The following NUDT9 variants were observed in gnomAD, a reference collection of about 807,000 sequenced individuals.
NUDT9 encodes nudix hydrolase 9, also known as ADP-ribose pyrophosphatase.
NUDT9 carries 31 observed loss-of-function variants against 41.0 expected under a neutral mutation model. The observed-to-expected ratio is 0.76, with a 90% confidence interval of 0.57 to 1.02. The LOEUF (loss-of-function observed/expected upper bound fraction) is 1.02. Ranked by LOEUF, NUDT9 falls within the 50% of genes least tolerant of loss-of-function variation. NUDT9 has a pLI of 0.00. For missense variants in NUDT9, 380 were observed against 431.4 expected (o/e 0.88, Z 1.06); for synonymous variants, 146 against 147.6 (o/e 0.99, Z 0.08).
intron 2 of NUDT9, among the ~76,000 whole-genome samples, chr4:87,437,391 A>T (rs1721990832): frequency 6.6e-6 from 1 of 151,576 alleles, no homozygotes. Context: ...CCCAGGCTGG[A>T]GTGCAGTGGC....
intron 1 of NUDT9, chr4:87,434,254 G>T (rs796627431): frequency 9.9e-5 from 15 of 152,078 alleles, no homozygotes; most frequent in African/African-American, 3.6e-4. Flanking sequence ...ATGTTGAGCA[G>T]GCTGGTCTCG....
At chr4:87,428,408 C>G (rs1721528916) in intron 1 of NUDT9, among the ~76,000 whole-genome samples, 2 of 152,178 alleles carry the variant, frequency 1.3e-5, no homozygotes, top group Non-Finnish European at 2.9e-5. Context: ...AAATTTATGT[C>G]CACACAAAAA....
At chr4:87,429,769 C>G (rs1721598831) in intron 1 of NUDT9, among the ~76,000 whole-genome samples, 1 of 150,266 alleles carries the variant, frequency 6.7e-6, no homozygotes, top group South Asian at 2.1e-4. Context: ...TTTCCCCCTC[C>G]CTTTCCTTTT....
At chr4:87,453,179 TG>T (rs2086833791) in intron 6 of NUDT9, among the ~76,000 whole-genome samples, 1 of 152,208 alleles carries the variant, frequency 6.6e-6, no homozygotes, top group Non-Finnish European at 1.5e-5. Context: ...TTATTTATGT[TG>T]TCCAGATTTT....
chr4:87,436,706 AT>A (rs1190562167), intron 2 of NUDT9, among the ~76,000 whole-genome samples: 1 of 152,052 alleles, frequency 6.6e-6, no homozygotes, highest in Admixed American at 6.6e-5. Flanking sequence ...TTTTATTTGC[AT>A]GTTAGATGGC....
At position 87,435,057 on chromosome 4, in the gene NUDT9, C is replaced by G; in HGVS notation, c.184C>G (p.His62Asp). The change falls in exon 2 of 8, where the codon CAC becomes GAC. Residue 62 changes from histidine (H) to aspartate (D), a missense_variant. Transcript: ENST00000302174. ...SGSNGSKENS[H>D]NKARTSPYPG... ...TTCTAATGGTTCCAAAGAAAATTCT[C>G]ACAATAAGGCTCGGACGTCTCCTTA... The G allele has an allele frequency of 6.2e-7, 1 of 1,614,146 alleles. No homozygotes were observed. The highest frequency in any genetic ancestry group is 8.5e-7 in the Non-Finnish European group (1 of 1,180,022).
intron 3 of NUDT9, among the ~76,000 whole-genome samples, chr4:87,439,587 C>T (rs1722107162): frequency 6.6e-6 from 1 of 151,982 alleles, no homozygotes; most frequent in African/African-American, 2.4e-5. Context: ...ACCCAGGAGG[C>T]GGAGGTTGGA....
chr4:87,436,853 A>G lies in NUDT9; in HGVS notation c.348-1424A>G, dbSNP rs140140964. On this transcript the variant is annotated intron_variant, in intron 2 of 7. Coordinates refer to ENST00000302174, the MANE Select transcript of NUDT9 (RefSeq NM_024047.5). The stretch of plus-strand genomic sequence containing the variant: ...AGTGAAACCTGTTTCAGAACTGCCC[A>G]TGAACTATCCAGTGCTATGTAACTC... Among the ~76,000 whole-genome samples, 761 of 152,356 alleles carry G rather than the reference A, an allele frequency of 5.0e-3. 4 individuals are homozygous for G. The highest frequency in any genetic ancestry group is 0.017 in the African/African-American group (725 of 41,580).
At position 87,449,266 on chromosome 4, in the gene NUDT9, A is replaced by G. The variant is rs1722606644; in HGVS notation, c.642+13A>G. The G allele has an allele frequency of 7.3e-7, 1 of 1,379,264 alleles. No individual in the cohort carries two copies. The allele number at this position is 1,379,264 out of a possible 1,614,324, so 85.4% of individuals were successfully genotyped here. A position where few individuals can be genotyped will look rare whatever the true frequency, so the allele number is the denominator to read the frequency against. On this transcript the variant is annotated intron_variant, in intron 5 of 7. Coordinates refer to ENST00000302174, the MANE Select transcript of NUDT9 (RefSeq NM_024047.5). ...GGCAATCCCAGGGGTAAGCATTAAA[A>G]TTAAATTAGTGTTTAAGTTCCTTTT...
At chr4:87,435,244 C>A in intron 2 of NUDT9, 24 bp downstream of exon 2, 1 of 1,586,492 alleles carries the variant, frequency 6.3e-7, no homozygotes. Context: ...ACAGCGTTAG[C>A]TGGGAATAAG....
At chr4:87,446,247 CTTTTTTTT>C (rs386400738) in intron 4 of NUDT9, among the ~76,000 whole-genome samples, 1 of 124,234 alleles carries the variant, frequency 8.0e-6, no homozygotes. Flanking sequence ...CTTATCTTTC[CTTTTTTTT>C]TTTTTTTTTT....
At chr4:87,428,363 A>C (rs1188054994) in intron 1 of NUDT9, among the ~76,000 whole-genome samples, 1 of 152,188 alleles carries the variant, frequency 6.6e-6, no homozygotes, top group Non-Finnish European at 1.5e-5. Flanking sequence ...ATAATTCAGC[A>C]ATCACACTCT....
At chr4:87,426,257 A>G (rs1721412696) in intron 1 of NUDT9, among the ~76,000 whole-genome samples, 1 of 124,972 alleles carries the variant, frequency 8.0e-6, no homozygotes, top group South Asian at 2.8e-4. Context: ...TGCATAAAAC[A>G]TATGAATGAA....
chr4:87,440,132 T>C (rs1722140432), intron 3 of NUDT9, among the ~76,000 whole-genome samples: 1 of 152,204 alleles, frequency 6.6e-6, no homozygotes, highest in Admixed American at 6.5e-5. Flanking sequence ...AAAAATATTA[T>C]GAAAAGATAG....
intron 4 of NUDT9, among the ~76,000 whole-genome samples, chr4:87,444,109 A>G (rs1722339356): frequency 6.6e-6 from 1 of 151,928 alleles, no homozygotes; most frequent in Non-Finnish European, 1.5e-5. Context: ...TTATTTTTTT[A>G]CTTTTAGAAT....
rs150915073 is a variant in NUDT9, at chr4:87,445,879, T to C, written c.531-3263T>C. Among the ~76,000 whole-genome samples, 186 of 152,110 alleles carry C rather than the reference T, an allele frequency of 1.2e-3. 2 individuals are homozygous for C. The highest frequency in any genetic ancestry group is 4.4e-3 in the East Asian group (23 of 5,182). ...CTTCAGAATAAAATCTGAGAACATA[T>C]GCAAGCTGCTGATCATCTCTCTGAT... On this transcript the variant is annotated intron_variant, in intron 4 of 7. Coordinates refer to ENST00000302174, the MANE Select transcript of NUDT9 (RefSeq NM_024047.5).
Position 87,428,708 on chromosome 4 carries a change from G to A in NUDT9, c.107+5696G>A, listed in dbSNP as rs553389419. Among the ~76,000 whole-genome samples, 193 of 152,276 alleles carry A rather than the reference G, an allele frequency of 1.3e-3. 1 individual carries two copies. The highest frequency in any genetic ancestry group is 4.3e-3 in the African/African-American group (180 of 41,550). On this transcript the variant is annotated intron_variant, in intron 1 of 7. Transcript: ENST00000302174. Reference sequence around the variant, plus strand: ...AAGATCAGGAGTTGGATGAATTGGGGTAGCACAGAGGACTTTAAAAAATAG... The same window carrying A: ...AAGATCAGGAGTTGGATGAATTGGGATAGCACAGAGGACTTTAAAAAATAG...
chr4:87,433,255 C>G lies in NUDT9; in HGVS notation c.108-1726C>G, dbSNP rs185927931. 9.5e-4 allele frequency among the ~76,000 whole-genome samples: 145 copies of G among 152,216 alleles called. 1 individual carries two copies. The highest frequency in any genetic ancestry group is 6.8e-3 in the Middle Eastern group (2 of 294). On this transcript the variant is annotated intron_variant, in intron 1 of 7. Coordinates refer to ENST00000302174, the MANE Select transcript of NUDT9 (RefSeq NM_024047.5). Reference sequence around the variant, plus strand: ...TATTTTTTCCTTTATGGTCATCAGCCCATCCAAGATCATTGATTGCTTCTA... The same window carrying G: ...TATTTTTTCCTTTATGGTCATCAGCGCATCCAAGATCATTGATTGCTTCTA...
At chr4:87,427,454 A>G (rs1436316127) in intron 1 of NUDT9, among the ~76,000 whole-genome samples, 1 of 152,256 alleles carries the variant, frequency 6.6e-6, no homozygotes, top group African/African-American at 2.4e-5. Flanking sequence ...TATTACAAGT[A>G]TTCTTTTTTC....
Sources: allele counts gnomAD v4.1 joint callset (sites outside exome capture counted in the v4.1 genomes callset), GRCh38; gene constraint gnomAD v4.1.1; transcripts MANE v1.5; gene names NCBI Gene and HGNC (gene_info 2026-07-23, HGNC 2026-07-21).